The following KIFC2 variants were observed in gnomAD, a reference collection of about 807,000 sequenced individuals.
KIFC2 encodes the protein kinesin family member C2.
Under a neutral mutation model 91.5 loss-of-function variants are expected in KIFC2, and 94 were observed. That is an observed-to-expected ratio of 1.03 (90% CI 0.87 to 1.22). The LOEUF is 1.22. KIFC2 is among the 50% of genes most tolerant of loss of function. The pLI, the probability that KIFC2 is intolerant of heterozygous loss-of-function variation, is 0.00. For missense variants in KIFC2, 1,357 were observed against 1,103.3 expected (o/e 1.23, Z -3.26); for synonymous variants, 729 against 503.9 (o/e 1.45, Z -5.98).
Position 144,469,633 on chromosome 8 carries a change from G to A in KIFC2, c.1366G>A (p.Ala456Thr), listed in dbSNP as rs760452660. The part of the protein sequence containing the change: ...FRLDWVFPPD[A>T]SQEEVFRELE... ...CCTAGACTGGGTCTTCCCTCCAGAC[G>A]CCAGCCAGGAGGAGGTGACAGCCTG... is the stretch of plus-strand genomic sequence containing the variant. The change falls in exon 12 of 18, where the codon GCC (alanine) becomes ACC (threonine). Residue 456 changes from alanine (A) to threonine (T), a missense_variant. By Grantham distance (58) the Ala-to-Thr change is moderately conservative. Transcript: ENST00000645548. 2.4e-5 allele frequency: 38 copies of A among 1,600,840 alleles called. No homozygotes were observed. Among genetic ancestry groups the A allele is most frequent in the Non-Finnish European group, 2.8e-5 (33 of 1,174,120 alleles).
chr8:144,468,910 G>A, intron 10 of KIFC2, 76 bp downstream of exon 10: 1 of 1,247,526 alleles, frequency 8.0e-7, no homozygotes, highest in Non-Finnish European at 1.2e-6. Flanking sequence ...GCGTTCCTGG[G>A]GAGTTGGCTG....
In KIFC2 at chr8:144,466,960, C is replaced by T; in HGVS notation, c.180C>T (p.Ala60=). The change falls in exon 3 of 18, where the codon GCC becomes GCT. Residue 60 remains alanine, a splice_region_variant and synonymous_variant. Coordinates refer to ENST00000645548, the MANE Select transcript of KIFC2 (RefSeq NM_001369769.2). ...ELWTELTGLA[A]SSEPEDGSEG... ...CCCGCCCTCCTCCCTGACCGGCAGC[C>T]AGCTCCGAGCCTGAGGATGGGTCGG... 6.3e-7 allele frequency: 1 copy of T among 1,592,722 alleles called. No individual in the cohort carries two copies. The highest frequency in any genetic ancestry group is 8.5e-7 in the Non-Finnish European group (1 of 1,176,202).
Position 144,472,217 on chromosome 8 carries a change from G to C in KIFC2, c.1565G>C (p.Arg522Pro), listed in dbSNP as rs769028986. Residue 522 changes from arginine to proline, a missense_variant, in exon 14 of 18, where the codon CGG becomes CCG. Coordinates refer to ENST00000645548, the MANE Select transcript of KIFC2 (RefSeq NM_001369769.2). The part of the protein sequence containing the change: ...FREMGAGRQH[R>P]VTLSMVEIYN... Reference sequence around the variant, plus strand: ...GAGATGGGGGCCGGCCGGCAGCACCGGGTGACACTCAGCATGGTGGAGATC... The same window carrying C: ...GAGATGGGGGCCGGCCGGCAGCACCCGGTGACACTCAGCATGGTGGAGATC... 1 of 1,612,852 alleles carries C rather than the reference G, an allele frequency of 6.2e-7. No individual in the cohort carries two copies. The highest frequency in any genetic ancestry group is 8.5e-7 in the Non-Finnish European group (1 of 1,179,872).
At chr8:144,471,220 C>T (rs1276306412) in intron 12 of KIFC2, among the ~76,000 whole-genome samples, 1 of 152,108 alleles carries the variant, frequency 6.6e-6, no homozygotes, top group African/African-American at 2.4e-5. Context: ...GCCTTGGCCT[C>T]CCAAAGTGCT....
chr8:144,470,403 C>T (rs1824879316), intron 12 of KIFC2, among the ~76,000 whole-genome samples: 1 of 152,264 alleles, frequency 6.6e-6, no homozygotes, highest in South Asian at 2.1e-4. Context: ...TCCTCTCAGT[C>T]AATGTGTCTG....
chr8:144,472,111 C>A, intron 13 of KIFC2, 27 bp from the exon 14 acceptor site: 1 of 1,612,972 alleles, frequency 6.2e-7, no homozygotes, highest in Non-Finnish European at 8.5e-7. Context: ...GGATGTGAGC[C>A]CGGTGTGCAC....
chr8:144,473,194 G>C lies in KIFC2; in HGVS notation c.2181G>C (p.Val727=). The C allele has an allele frequency of 5.7e-6, 9 of 1,584,028 alleles. No homozygotes were observed. The highest frequency in any genetic ancestry group is 7.7e-6 in the Non-Finnish European group (9 of 1,165,946). ...GCTCCCTCAAGTTCGCCGACCGAGTGGGTCAAGTGGAGCTGGGGCCAGCCC... is the reference window on the plus strand; with the variant it reads ...GCTCCCTCAAGTTCGCCGACCGAGTCGGTCAAGTGGAGCTGGGGCCAGCCC... The part of the protein sequence containing the change: ...TVCSLKFADR[V]GQVELGPARR... Residue 727 remains valine (V), a synonymous_variant, in exon 18 of 18, where the codon GTG becomes GTC. Coordinates refer to ENST00000645548, the MANE Select transcript of KIFC2 (RefSeq NM_001369769.2).
intron 12 of KIFC2, among the ~76,000 whole-genome samples, 159 bp downstream of exon 12, chr8:144,469,806 G>A (rs1258941084): frequency 6.6e-6 from 1 of 152,226 alleles, no homozygotes; most frequent in Admixed American, 6.5e-5. Flanking sequence ...GGGCTGGGAA[G>A]CAGGGCAGGC....
At position 144,472,503 on chromosome 8, in the gene KIFC2, C is replaced by T. The variant is rs773060775; in HGVS notation, c.1731+19C>T. 2 of 1,611,322 alleles carry T rather than the reference C, an allele frequency of 1.2e-6. No individual in the cohort carries two copies. The highest frequency in any genetic ancestry group is 2.7e-5 in the African/African-American group (2 of 75,028). On this transcript the variant is annotated intron_variant, in intron 15 of 17. Transcript: ENST00000645548. ...GCACCAGGTAGGGCTGCACCGCTCT[C>T]CGAGACCCCGCCCCGTGCTTCCACT... is the stretch of plus-strand genomic sequence containing the variant.
intron 5 of KIFC2, 36 bp downstream of exon 5, chr8:144,467,666 G>T (rs1345760391): frequency 6.2e-7 from 1 of 1,606,508 alleles, no homozygotes; most frequent in Non-Finnish European, 8.5e-7. Flanking sequence ...TTGCCGGCTG[G>T]GACGCCAGAA....
Position 144,469,639 on chromosome 8 carries a change from C to T in KIFC2, c.1372C>T (p.Gln458Ter). ...CTGGGTCTTCCCTCCAGACGCCAGC[C>T]AGGAGGAGGTGACAGCCTGCCTTTG... is the stretch of plus-strand genomic sequence containing the variant. ...LDWVFPPDAS[Q>*]EEVFRELEPA... Residue 458 changes from glutamine (Q) to a stop codon, truncating the protein, a stop_gained, in exon 12 of 18, where the codon CAG becomes TAG. Transcript: ENST00000645548. LOFTEE classifies it high-confidence loss of function. The T allele has an allele frequency of 6.3e-7, 1 of 1,597,430 alleles. No individual in the cohort carries two copies. Among genetic ancestry groups the T allele is most frequent in the Non-Finnish European group, 8.5e-7 (1 of 1,172,566 alleles).
chr8:144,468,489 G>A lies in KIFC2; in HGVS notation c.889-47G>A, dbSNP rs1419726489. On this transcript the variant is annotated intron_variant, in intron 8 of 17. Transcript: ENST00000645548. ...AGGGGCTTATCTGAGGCAGGGCCTG[G>A]TAAGTGCCTGTTTCCTCAGTGACAG... 24 of 1,212,080 alleles carry A rather than the reference G, an allele frequency of 2.0e-5. No homozygotes were observed. The South Asian group carries it at 2.8e-4, about 14-fold the overall frequency. 75.1% of individuals were successfully genotyped at this position (1,212,080 alleles called of 1,614,324 possible). A position where few individuals can be genotyped will look rare whatever the true frequency, so the allele number is the denominator to read the frequency against.
chr8:144,473,485 C>A lies in KIFC2; in HGVS notation c.*96C>A. On this transcript the variant is annotated 3_prime_UTR_variant, in exon 18 of 18. Transcript: ENST00000645548. ...TGTACCCCGTCTCCCAGGGCACAAG[C>A]TCCCTAGCCTCTTTGGATCCATTGC... 1 of 1,435,138 alleles carries A rather than the reference C, an allele frequency of 7.0e-7. No individual in the cohort carries two copies. Among genetic ancestry groups the A allele is most frequent in the Non-Finnish European group, 9.1e-7 (1 of 1,096,824 alleles). 88.9% of individuals were successfully genotyped at this position (1,435,138 alleles called of 1,614,324 possible).
Position 144,472,641 on chromosome 8 carries a change from G to A in KIFC2, c.1796G>A (p.Arg599His), listed in dbSNP as rs770833900. Residue 599 changes from arginine (R) to histidine (H), a missense_variant, in exon 16 of 18, where the codon CGC (arginine) becomes CAC (histidine). Transcript: ENST00000645548. ...AATAMNQRSS[R>H]SHALVTLTLR... ...ACCGCCATGAACCAGCGCAGCTCCCGCTCGCATGCCCTGGTCACGCTGACG... is the reference window on the plus strand; with the variant it reads ...ACCGCCATGAACCAGCGCAGCTCCCACTCGCATGCCCTGGTCACGCTGACG... 1.2e-6 allele frequency: 2 copies of A among 1,601,862 alleles called. No homozygotes were observed. Among genetic ancestry groups the A allele is most frequent in the Admixed American group, 1.7e-5 (1 of 59,970 alleles).
chr8:144,469,247 T>G, intron 10 of KIFC2, 24 bp from the exon 11 acceptor site: 1 of 1,531,758 alleles, frequency 6.5e-7, no homozygotes, highest in Non-Finnish European at 8.9e-7. Flanking sequence ...ACCCCTTGCC[T>G]TCTGTACATC....
chr8:144,468,390 A>T lies in KIFC2; in HGVS notation c.872A>T (p.Glu291Val). The T allele has an allele frequency of 1.2e-6, 2 of 1,612,840 alleles. No individual in the cohort carries two copies. The highest frequency in any genetic ancestry group is 1.1e-5 in the South Asian group (1 of 90,990). ...CTTCAGGAGGCCCAAGACACCACAG[A>T]AGCCCTCCGAGCCCAGGTGGGCATG... ...GRLQEAQDTT[E>V]ALRAQLGVQE... Residue 291 changes from glutamate (E) to valine (V), a missense_variant, in exon 8 of 18, where the codon GAA becomes GTA. Coordinates refer to ENST00000645548, the MANE Select transcript of KIFC2 (RefSeq NM_001369769.2).
Position 144,473,302 on chromosome 8 carries a change from T to A in KIFC2, c.2289T>A (p.Pro763=), listed in dbSNP as rs556445269. Residue 763 remains proline (P), a synonymous_variant, in exon 18 of 18, where the codon CCT becomes CCA. Transcript: ENST00000645548. The part of the protein sequence containing the change: ...DTPLTGTPCT[P]TPSPGSPPCP... ...CGCTCACCGGGACCCCCTGCACCCCTACGCCGTCCCCTGGCAGTCCTCCAT... is the reference window on the plus strand; with the variant it reads ...CGCTCACCGGGACCCCCTGCACCCCAACGCCGTCCCCTGGCAGTCCTCCAT... 6.2e-7 allele frequency: 1 copy of A among 1,604,974 alleles called. No individual in the cohort carries two copies. Among genetic ancestry groups the A allele is most frequent in the African/African-American group, 1.3e-5 (1 of 74,792 alleles).
intron 8 of KIFC2, 41 bp downstream of exon 8, chr8:144,468,447 C>T (rs375829468): frequency 3.3e-5 from 44 of 1,339,160 alleles, no homozygotes; most frequent in South Asian, 2.1e-4. Context: ...AGGGGTGAGG[C>T]GGGCTGGGGT....
intron 7 of KIFC2, 100 bp downstream of exon 7, chr8:144,468,087 G>C: frequency 7.2e-7 from 1 of 1,397,716 alleles, no homozygotes; most frequent in Non-Finnish European, 9.4e-7. Flanking sequence ...CTCCCGGGAT[G>C]GTCTGTGTAG....
Sources: gnomAD v4.1 joint callset for allele counts (sites outside exome capture counted in the v4.1 genomes callset) on GRCh38, gnomAD v4.1.1 for gene constraint, MANE v1.5 for transcripts, NCBI Gene and HGNC (gene_info 2026-07-23, HGNC 2026-07-21) for gene names.